EZR: variants seen among roughly 807,000 people sequenced by gnomAD.
EZR encodes the protein ezrin.
In EZR, 40 loss-of-function variants were observed where a neutral mutation model predicts 74.8. The observed-to-expected ratio is 0.53, with a 90% confidence interval of 0.42 to 0.70. EZR has a LOEUF of 0.70. Among genes scored for constraint, EZR ranks in the 30% least tolerant of loss-of-function variants. EZR has a pLI of 0.00. For synonymous variants in EZR, 341 were observed against 283.3 expected, an observed-to-expected ratio of 1.20 and a Z score of -2.05; for missense variants, 678 against 755.8, an observed-to-expected ratio of 0.90 and a Z score of 1.21.
At chr6:158,817,584 A>C (rs1777585943) in intron 2 of EZR, among the ~76,000 whole-genome samples, 1 of 152,218 alleles carries the variant, frequency 6.6e-6, no homozygotes, top group African/African-American at 2.4e-5. Flanking sequence ...CCTAGTAGGA[A>C]GCGAAGCTGA....
chr6:158,781,126 G>A (rs1220254655), intron 7 of EZR, among the ~76,000 whole-genome samples: 8 of 152,094 alleles, frequency 5.3e-5, no homozygotes, highest in African/African-American at 1.7e-4. Flanking sequence ...TAGTTCTACC[G>A]AGAGAGGTAA....
chr6:158,789,307 C>T lies in EZR; in HGVS notation c.77G>A (p.Gly26Glu). Residue 26 changes from glycine (G) to glutamate (E), a missense_variant, in exon 3 of 14, where the codon GGA becomes GAA. This residue lies in a region of EZR where 217 missense variants were observed against 232.2 expected (regional missense o/e 0.93). Transcript: ENST00000367075. Reference sequence around the variant, plus strand: ...ACCAACCTGATCAAAAAGCTGTTTTCCAGTTGTATTTGGCTGGATTGCAAA... The same window carrying T: ...ACCAACCTGATCAAAAAGCTGTTTTTCAGTTGTATTTGGCTGGATTGCAAA... ...LEFAIQPNTT[G>E]KQLFDQVVKT... The T allele has an allele frequency of 6.2e-7, 1 of 1,614,026 alleles. No individual in the cohort carries two copies.
intron 2 of EZR, among the ~76,000 whole-genome samples, chr6:158,805,838 A>G (rs2128575560): frequency 6.6e-6 from 1 of 152,254 alleles, no homozygotes; most frequent in Non-Finnish European, 1.5e-5. Flanking sequence ...CCCCAACCCC[A>G]ACCCATGGTT....
intron 2 of EZR, among the ~76,000 whole-genome samples, chr6:158,814,994 G>A (rs940766897): frequency 1.3e-5 from 2 of 152,192 alleles, no homozygotes; most frequent in South Asian, 4.1e-4. Context: ...GAATTCAAGG[G>A]TTAACAGTTG....
intron 2 of EZR, 95 bp from the exon 3 acceptor site, chr6:158,789,466 C>G (rs374768176): frequency 4.5e-6 from 5 of 1,109,896 alleles, no homozygotes; most frequent in Admixed American, 1.7e-5. Context: ...CTCAGTGTGG[C>G]GACGGCATAT....
intron 2 of EZR, among the ~76,000 whole-genome samples, chr6:158,814,741 C>A (rs1411938990): frequency 6.6e-6 from 1 of 152,020 alleles, no homozygotes; most frequent in Non-Finnish European, 1.5e-5. Flanking sequence ...TGGGGTTTCA[C>A]CATGTTGACC....
chr6:158,810,988 CTT>C (rs903958288), intron 2 of EZR, among the ~76,000 whole-genome samples: 15 of 152,130 alleles, frequency 9.9e-5, no homozygotes, highest in African/African-American at 3.6e-4. Flanking sequence ...ATGAAATTCT[CTT>C]TATAGCTCTT....
At chr6:158,799,191 C>T (rs573600082) in intron 2 of EZR, among the ~76,000 whole-genome samples, 201 of 152,130 alleles carry the variant, frequency 1.3e-3, no homozygotes, top group African/African-American at 4.6e-3. Context: ...CACAGGCCCT[C>T]GAGGCGCTCA....
At chr6:158,783,322 T>C (rs1472717419) in intron 7 of EZR, among the ~76,000 whole-genome samples, 198 bp downstream of exon 7, 1 of 149,202 alleles carries the variant, frequency 6.7e-6, no homozygotes, top group Non-Finnish European at 1.5e-5. Context: ...CCGCCCACCA[T>C]GAGAGAGGAT....
At chr6:158,785,213 T>C (rs1216295835) in intron 5 of EZR, 96 bp downstream of exon 5, 19 of 1,483,308 alleles carry the variant, frequency 1.3e-5, no homozygotes, top group Admixed American at 1.9e-5. Flanking sequence ...ACTGGCGAAG[T>C]CCTTGTGTTT....
intron 7 of EZR, among the ~76,000 whole-genome samples, chr6:158,781,601 C>G (rs538694702): frequency 2.6e-5 from 4 of 152,318 alleles, no homozygotes; most frequent in African/African-American, 9.6e-5. Flanking sequence ...GTTACAAAAT[C>G]TGGTCATTGA....
chr6:158,769,926 T>G lies in EZR; in HGVS notation c.1109A>C (p.Gln370Pro). ...CTCCTCCTCCAGCTGCAGGGCCCTC[T>G]GAATCTGCTCCGAGAGCTCTGCAAA... ...KAERELSEQI[Q>P]RALQLEEERK... is the part of the protein sequence containing the mutation. Residue 370 changes from glutamine (Q) to proline (P), a missense_variant, in exon 11 of 14, where the codon CAG (glutamine) becomes CCG (proline). Gln to Pro is a moderately conservative substitution (Grantham distance 76, BLOSUM62 -1). Around this residue, in one of 3 missense-constraint regions of EZR, gnomAD observed 342 missense variants for 341.2 expected, o/e 1.00. Transcript: ENST00000367075. The G allele has an allele frequency of 2.5e-6, 4 of 1,611,660 alleles. No homozygotes were observed. Among genetic ancestry groups the G allele is most frequent in the Non-Finnish European group, 3.4e-6 (4 of 1,179,992 alleles).
chr6:158,812,123 G>T (rs753854761), intron 2 of EZR, among the ~76,000 whole-genome samples: 3 of 152,196 alleles, frequency 2.0e-5, no homozygotes, highest in Non-Finnish European at 2.9e-5. Context: ...GCCTGCCCAA[G>T]TATAGGTAAG....
intron 2 of EZR, among the ~76,000 whole-genome samples, chr6:158,796,341 A>C (rs991010604): frequency 6.6e-6 from 1 of 152,228 alleles, no homozygotes; most frequent in African/African-American, 2.4e-5. Flanking sequence ...CTCAGTAACA[A>C]TTCGCCTTAT....
intron 10 of EZR, 117 bp from the exon 11 acceptor site, chr6:158,770,061 G>T (rs2128565148): frequency 7.4e-7 from 1 of 1,360,224 alleles, no homozygotes; most frequent in South Asian, 1.4e-5. Context: ...AGGTTGAGGG[G>T]ATGTCTTCCA....
chr6:158,817,863 A>G, intron 2 of EZR: 1 of 431,604 alleles, frequency 2.3e-6, no homozygotes, highest in Non-Finnish European at 4.2e-6. Context: ...TCACAAAGAA[A>G]AAGACTGCAG....
intron 2 of EZR, among the ~76,000 whole-genome samples, chr6:158,799,851 T>C (rs1777154185): frequency 6.6e-6 from 1 of 152,260 alleles, no homozygotes; most frequent in African/African-American, 2.4e-5. Flanking sequence ...TTTTGGAGTG[T>C]CACAGTAATG....
At chr6:158,772,659 G>A (rs1185556062) in intron 8 of EZR, among the ~76,000 whole-genome samples, 4 of 152,198 alleles carry the variant, frequency 2.6e-5, no homozygotes, top group Admixed American at 1.3e-4. Context: ...GCTGTGATTA[G>A]CTTACAAGAC....
In EZR at chr6:158,818,166, C is replaced by G; in HGVS notation, c.-73G>C. 1 of 1,577,032 alleles carries G rather than the reference C, an allele frequency of 6.3e-7. No homozygotes were observed. Among genetic ancestry groups the G allele is most frequent in the Non-Finnish European group, 8.7e-7 (1 of 1,151,174 alleles). ...AGCAGCAGCGAAGACGCTGTCCCAACCTGGAGTCAGAGCAGAACCCTTAGA... is the reference window on the plus strand; with the variant it reads ...AGCAGCAGCGAAGACGCTGTCCCAAGCTGGAGTCAGAGCAGAACCCTTAGA... On this transcript the variant is annotated splice_region_variant and 5_prime_UTR_variant, in exon 2 of 14. Coordinates refer to ENST00000367075, the MANE Select transcript of EZR (RefSeq NM_001111077.2).
Sources: gnomAD v4.1 joint callset for allele counts (sites outside exome capture counted in the v4.1 genomes callset) on GRCh38, gnomAD v4.1.1 for gene constraint, gnomAD v4.1.1 regional missense constraint, MANE v1.5 for transcripts, NCBI Gene and HGNC (gene_info 2026-07-23, HGNC 2026-07-21) for gene names.